Variants in SGCD observed in about 807,000 individuals in gnomAD.
SGCD encodes delta-sarcoglycan.
In SGCD, 18 loss-of-function variants were observed where a neutral mutation model predicts 36.6. The ratio of observed to expected loss-of-function variants is 0.49; its 90% CI spans 0.34 to 0.73. SGCD has a LOEUF of 0.73. SGCD is among the 30% of genes least tolerant of loss of function. SGCD has a pLI of 0.01. For synonymous variants in SGCD, 133 were observed against 130.6 expected (o/e 1.02, Z -0.12); for missense variants, 387 against 346.7 (o/e 1.12, Z -0.92).
At chr5:155,922,227 C>T (rs1756893009) in intron 1 of SGCD, among the ~76,000 whole-genome samples, 1 of 152,086 alleles carries the variant, frequency 6.6e-6, no homozygotes, top group Non-Finnish European at 1.5e-5. Flanking sequence ...AAGACAAGGT[C>T]TTTGAGGTGA....
intron 3 of SGCD, among the ~76,000 whole-genome samples, chr5:156,197,313 G>A (rs1212129245): frequency 6.6e-6 from 1 of 152,022 alleles, no homozygotes; most frequent in Non-Finnish European, 1.5e-5. Flanking sequence ...GCATTTCCCA[G>A]CCCTCACGGA....
chr5:156,075,306 C>T (rs558111501), intron 1 of SGCD, among the ~76,000 whole-genome samples: 5 of 151,774 alleles, frequency 3.3e-5, no homozygotes, highest in Non-Finnish European at 7.4e-5. Flanking sequence ...AATAGTAAAA[C>T]ATGCTGACAA....
At chr5:156,149,596 C>T (rs1417589329) in intron 3 of SGCD, among the ~76,000 whole-genome samples, 1 of 152,132 alleles carries the variant, frequency 6.6e-6, no homozygotes, top group Non-Finnish European at 1.5e-5. Context: ...TTTACACTTC[C>T]TTATCTTGAG....
At position 156,293,739 on chromosome 5, in the gene SGCD, G is replaced by A. The variant is rs1766820683; in HGVS notation, c.-43-35795G>A. ...GGCTTGGTAGTAAGTTGTGAAATCAGGACATATGAGTCCTTTAGTTTTGTT... is the reference window on the plus strand; with the variant it reads ...GGCTTGGTAGTAAGTTGTGAAATCAAGACATATGAGTCCTTTAGTTTTGTT... On this transcript the variant is annotated intron_variant, in intron 3 of 9. Transcript: ENST00000517913. Among the ~76,000 whole-genome samples the A allele has an allele frequency of 2.0e-5, 3 of 152,162 alleles. No individual in the cohort carries two copies. In the South Asian group the frequency reaches 6.2e-4, roughly 32 times the overall value.
At chr5:155,944,127 A>C (rs1024402574) in intron 1 of SGCD, among the ~76,000 whole-genome samples, 12 of 152,130 alleles carry the variant, frequency 7.9e-5, no homozygotes, top group African/African-American at 2.4e-4. Flanking sequence ...TTCATTTCTC[A>C]TGGGATGCAG....
At position 156,692,348 on chromosome 5, in the gene SGCD, G is replaced by A. The variant is rs72801202; in HGVS notation, c.575+44812G>A. On this transcript the variant is annotated intron_variant, in intron 7 of 8. Coordinates refer to ENST00000337851, the MANE Select transcript of SGCD (RefSeq NM_000337.6). ...TAATGTCTGCCATGGGTGACAGCGT[G>A]GGGAGATATGGCACAAGTGCTAGAT... Among the ~76,000 whole-genome samples the A allele has an allele frequency of 5.7e-3, 862 of 152,288 alleles. 6 individuals carry two copies. Among genetic ancestry groups the A allele is most frequent in the Non-Finnish European group, 9.8e-3 (668 of 68,022 alleles).
intron 3 of SGCD, among the ~76,000 whole-genome samples, chr5:156,488,201 T>C (rs1238978782): frequency 6.7e-6 from 1 of 149,460 alleles, no homozygotes; most frequent in African/African-American, 2.5e-5. Context: ...CCATGAATAT[T>C]AGAATTTAGG....
At chr5:156,267,608 C>T (rs1192464205) in intron 3 of SGCD, among the ~76,000 whole-genome samples, 5 of 152,148 alleles carry the variant, frequency 3.3e-5, no homozygotes, top group Non-Finnish European at 5.9e-5. Flanking sequence ...CTGATGCCTT[C>T]TTCACTTTTC....
At chr5:156,311,108 G>T (rs1419020999) in intron 3 of SGCD, among the ~76,000 whole-genome samples, 1 of 152,080 alleles carries the variant, frequency 6.6e-6, no homozygotes, top group Non-Finnish European at 1.5e-5. Flanking sequence ...AATTCAAGAT[G>T]AAAAAAATGT....
intron 4 of SGCD, among the ~76,000 whole-genome samples, chr5:156,577,368 T>C (rs1581195799): frequency 6.6e-6 from 1 of 152,216 alleles, no homozygotes; most frequent in South Asian, 2.1e-4. Flanking sequence ...TCCAGCTTTG[T>C]TCTTTTTGCT....
At chr5:155,888,264 T>A (rs1756049702) in intron 1 of SGCD, among the ~76,000 whole-genome samples, 1 of 152,236 alleles carries the variant, frequency 6.6e-6, no homozygotes, top group Non-Finnish European at 1.5e-5. Context: ...TTGAAAGTAG[T>A]CAGTGGGTCA....
Position 156,510,886 on chromosome 5 carries a change from A to G in SGCD, c.294+2184A>G, listed in dbSNP as rs1160083606. ...GATATTAGGAAATGTGTTTTAGAAGACTTGAAAACAGGGTACTGGGTGCAT... is the reference window on the plus strand; with the variant it reads ...GATATTAGGAAATGTGTTTTAGAAGGCTTGAAAACAGGGTACTGGGTGCAT... On this transcript the variant is annotated intron_variant, in intron 4 of 8. Coordinates refer to ENST00000337851, the MANE Select transcript of SGCD (RefSeq NM_000337.6). Among the ~76,000 whole-genome samples, 3 of 152,330 alleles carry G rather than the reference A, an allele frequency of 2.0e-5. No homozygotes were observed. The East Asian group carries it at 5.8e-4, about 29-fold the overall frequency.
intron 7 of SGCD, among the ~76,000 whole-genome samples, chr5:156,726,195 C>T (rs1755764901): frequency 6.6e-6 from 1 of 152,142 alleles, no homozygotes; most frequent in South Asian, 2.1e-4. Flanking sequence ...TTTTCAGAGA[C>T]CTTGCCTATT....
intron 3 of SGCD, among the ~76,000 whole-genome samples, chr5:156,205,688 G>A (rs1055433601): frequency 3.9e-5 from 6 of 152,016 alleles, no homozygotes; most frequent in African/African-American, 1.2e-4. Context: ...GTACAGGATA[G>A]TTACTTCTAC....
At position 156,766,085 on chromosome 5, in the gene SGCD, T is replaced by G. The variant is rs1263251227; in HGVS notation, c.*6695T>G. The G allele has an allele frequency of 6.6e-6, 1 of 151,880 alleles. No homozygotes were observed. The highest frequency in any genetic ancestry group is 1.5e-5 in the Non-Finnish European group (1 of 68,002). 9.4% of individuals were successfully genotyped at this position (151,880 alleles called of 1,614,324 possible). ...ATACCTGGGTTGTTAGCCTCACATT[T>G]AGGAAAAAATTGTAATACTCAGTTA... On this transcript the variant is annotated 3_prime_UTR_variant, in exon 9 of 9. Transcript: ENST00000337851.
chr5:155,880,932 G>T (rs1166250092), intron 1 of SGCD, among the ~76,000 whole-genome samples: 1 of 151,982 alleles, frequency 6.6e-6, no homozygotes, highest in Non-Finnish European at 1.5e-5. Context: ...GCAGAAAAAT[G>T]CTTCTTTTTC....
At chr5:155,907,001 T>G (rs112260325) in intron 1 of SGCD, among the ~76,000 whole-genome samples, 296 of 152,202 alleles carry the variant, frequency 1.9e-3, no homozygotes, top group Admixed American at 2.4e-3. Context: ...ACAGGGCAGG[T>G]TGATTCTCTT....
chr5:156,470,202 A>T (rs932940927), intron 3 of SGCD, among the ~76,000 whole-genome samples: 3 of 152,194 alleles, frequency 2.0e-5, no homozygotes, highest in Admixed American at 6.5e-5. Context: ...TTTATATATA[A>T]AAATACTTGT....
At chr5:155,911,319 G>GTGTGTGTGTGTGTGTGTA (rs145927722) in intron 1 of SGCD, among the ~76,000 whole-genome samples, 2 of 141,380 alleles carry the variant, frequency 1.4e-5, no homozygotes, top group East Asian at 4.2e-4. Context: ...GTGTGTGTGT[G>GTGTGTGTGTGTGTGTGTA]TATATATATA....
Sources: allele counts gnomAD v4.1 joint callset (sites outside exome capture counted in the v4.1 genomes callset), GRCh38; gene constraint gnomAD v4.1.1; transcripts MANE v1.5; gene names NCBI Gene and HGNC (gene_info 2026-07-23, HGNC 2026-07-21).